The following DDHD1 variants were observed in gnomAD, a reference collection of about 807,000 sequenced individuals.
DDHD1 encodes the protein phospholipase DDHD1.
DDHD1 carries 49 observed loss-of-function variants against 96.4 expected under a neutral mutation model. That is an observed-to-expected ratio of 0.51 (90% CI 0.40 to 0.64). DDHD1 has a LOEUF of 0.64. Among genes scored for constraint, DDHD1 ranks in the 30% least tolerant of loss-of-function variants. The pLI, the probability that DDHD1 is intolerant of heterozygous loss-of-function variation, is 0.00. For synonymous variants in DDHD1, 442 were observed against 446.5 expected (o/e 0.99, Z 0.13); for missense variants, 1,106 against 1,161.2 (o/e 0.95, Z 0.69).
intron 1 of DDHD1, among the ~76,000 whole-genome samples, chr14:53,123,113 CTGTTAT>C (rs948786957): frequency 8.0e-6 from 1 of 125,338 alleles, no homozygotes; most frequent in Non-Finnish European, 1.6e-5. Context: ...CAGATAATTG[CTGTTAT>C]TATTATTATT....
At chr14:53,083,746 A>G (rs1018789208) in intron 4 of DDHD1, among the ~76,000 whole-genome samples, 7 of 152,204 alleles carry the variant, frequency 4.6e-5, no homozygotes, top group African/African-American at 1.7e-4. Context: ...CAAGCAGGGA[A>G]ATGGTAAGAA....
intron 4 of DDHD1, among the ~76,000 whole-genome samples, chr14:53,079,495 T>C (rs1368973802): frequency 6.6e-6 from 1 of 152,214 alleles, no homozygotes; most frequent in Non-Finnish European, 1.5e-5. Context: ...ACAGTTTTGG[T>C]AGTTTGCTTC....
Position 53,055,824 on chromosome 14 carries a change from G to T in DDHD1, c.2081C>A (p.Pro694His). The change falls in exon 10 of 13, where the codon CCT (proline) becomes CAT (histidine). Residue 694 changes from proline (P) to histidine (H), a missense_variant. By Grantham distance (77) the Pro-to-His change is moderately conservative. Transcript: ENST00000673822. ...IHWYNTSNPL[P>H]YEHMKPSFLN... The stretch of plus-strand genomic sequence containing the variant: ...AAAGCTTGGCTTCATATGTTCATAA[G>T]GTAAAGGATTTGAAGTATTGTACCA... 6.2e-7 allele frequency: 1 copy of T among 1,613,902 alleles called. No individual in the cohort carries two copies. The highest frequency in any genetic ancestry group is 8.5e-7 in the Non-Finnish European group (1 of 1,179,936).
intron 1 of DDHD1, among the ~76,000 whole-genome samples, chr14:53,142,431 T>C (rs1890700872): frequency 6.7e-6 from 1 of 149,818 alleles, no homozygotes; most frequent in African/African-American, 2.5e-5. Context: ...TAAGAAGAAT[T>C]GTGGGCCATT....
At chr14:53,142,230 T>C (rs866981479) in intron 1 of DDHD1, among the ~76,000 whole-genome samples, 10 of 152,242 alleles carry the variant, frequency 6.6e-5, no homozygotes, top group Non-Finnish European at 1.5e-4. Context: ...TGTTCCCACA[T>C]GGTTTTTATT....
chr14:53,051,776 T>C, intron 12 of DDHD1, 68 bp downstream of exon 12: 1 of 1,299,442 alleles, frequency 7.7e-7, no homozygotes, highest in Non-Finnish European at 1.1e-6. Flanking sequence ...AATTTTTCAA[T>C]AAGCAGAAGA....
In DDHD1 at chr14:53,138,851, T is replaced by C. The variant is rs150255914; in HGVS notation, c.838+13410A>G. ...CTCCACAGATATTACCAGGAACTCATAAGAAAGACTGAGGGAAGGGCAAGA... is the reference window on the plus strand; with the variant it reads ...CTCCACAGATATTACCAGGAACTCACAAGAAAGACTGAGGGAAGGGCAAGA... On this transcript the variant is annotated intron_variant, in intron 1 of 12. Coordinates refer to ENST00000673822, the MANE Select transcript of DDHD1 (RefSeq NM_001160148.2). Among the ~76,000 whole-genome samples, 721 of 152,130 alleles carry C rather than the reference T, an allele frequency of 4.7e-3. 7 individuals are homozygous for C. Among genetic ancestry groups the C allele is most frequent in the African/African-American group, 0.017 (689 of 41,508 alleles).
Position 53,152,451 on chromosome 14 carries a change from G to A in DDHD1, c.648C>T (p.Cys216=). 6.2e-7 allele frequency: 1 copy of A among 1,613,362 alleles called. No homozygotes were observed. Among genetic ancestry groups the A allele is most frequent in the African/African-American group, 1.3e-5 (1 of 75,062 alleles). The change falls in exon 1 of 13, where the codon TGC becomes TGT. Residue 216 remains cysteine, a synonymous_variant. Coordinates refer to ENST00000673822, the MANE Select transcript of DDHD1 (RefSeq NM_001160148.2). ...AACTGGAGGCTGGGCCCGTGGGGGA[G>A]CACACATGGTCGCCGTCCCGGTCCC... The part of the protein sequence containing the change: ...QGGDRDGDHV[C]SPTGPASSSG...
At chr14:53,148,722 C>T (rs1891162081) in intron 1 of DDHD1, among the ~76,000 whole-genome samples, 1 of 152,244 alleles carries the variant, frequency 6.6e-6, no homozygotes, top group East Asian at 1.9e-4. Flanking sequence ...ATGTTCCTTA[C>T]AGACATTCTT....
intron 9 of DDHD1, among the ~76,000 whole-genome samples, chr14:53,058,259 C>A (rs895473598): frequency 6.6e-6 from 1 of 152,196 alleles, no homozygotes; most frequent in Admixed American, 6.5e-5. Flanking sequence ...GCCTTACAGG[C>A]ACCCACTACC....
intron 1 of DDHD1, among the ~76,000 whole-genome samples, chr14:53,121,921 T>C (rs1039688699): frequency 1.5e-3 from 7 of 4,772 alleles, no homozygotes; most frequent in Non-Finnish European, 3.4e-3. Context: ...TCCCAGAACG[T>C]TAAAAAAAAA....
intron 8 of DDHD1, among the ~76,000 whole-genome samples, chr14:53,059,288 A>C (rs532506844): frequency 2.7e-4 from 41 of 152,196 alleles, no homozygotes; most frequent in Non-Finnish European, 4.1e-4. Context: ...TCTGTCACCC[A>C]GGCTGGAGTG....
intron 2 of DDHD1, among the ~76,000 whole-genome samples, chr14:53,100,936 T>C (rs1248331674): frequency 6.6e-6 from 1 of 152,214 alleles, no homozygotes; most frequent in East Asian, 1.9e-4. Flanking sequence ...CTTACTCTTT[T>C]GTAACTGTTT....
chr14:53,051,503 C>T (rs1240906692), intron 12 of DDHD1, among the ~76,000 whole-genome samples: 1 of 151,886 alleles, frequency 6.6e-6, no homozygotes, highest in African/African-American at 2.4e-5. Flanking sequence ...CCTTTTATAT[C>T]TAAATGTATT....
At chr14:53,105,603 T>A (rs541912548) in intron 1 of DDHD1, among the ~76,000 whole-genome samples, 2 of 152,282 alleles carry the variant, frequency 1.3e-5, no homozygotes, top group South Asian at 4.1e-4. Flanking sequence ...AAATGGAAAC[T>A]CCTGATTTCT....
chr14:53,036,877 C>A lies in DDHD1; in HGVS notation c.*9891G>T, dbSNP rs543326661. 2.6e-5 allele frequency: 4 copies of A among 152,226 alleles called. No individual in the cohort carries two copies. The highest frequency in any genetic ancestry group is 9.6e-5 in the African/African-American group (4 of 41,526). 9.4% of individuals were successfully genotyped at this position (152,226 alleles called of 1,614,324 possible). A position where few individuals can be genotyped will look rare whatever the true frequency, so the allele number is the denominator to read the frequency against. On this transcript the variant is annotated 3_prime_UTR_variant, in exon 13 of 13. Coordinates refer to ENST00000673822, the MANE Select transcript of DDHD1 (RefSeq NM_001160148.2). ...GAGGTTTGAGGTACAGATCCCATCA[C>A]CCAGGTAGTGAGCATAGTACCCAAT...
At chr14:53,120,353 C>A (rs890278719) in intron 1 of DDHD1, among the ~76,000 whole-genome samples, 18 of 152,148 alleles carry the variant, frequency 1.2e-4, no homozygotes, top group African/African-American at 4.3e-4. Context: ...GAATCAATAT[C>A]GTGAAAATAA....
chr14:53,118,216 C>G (rs1490279342), intron 1 of DDHD1, among the ~76,000 whole-genome samples: 1 of 152,164 alleles, frequency 6.6e-6, no homozygotes, highest in Non-Finnish European at 1.5e-5. Flanking sequence ...GAAACCACAG[C>G]AGAAAAGCTG....
intron 10 of DDHD1, 58 bp downstream of exon 10, chr14:53,055,602 A>C: frequency 1.4e-6 from 2 of 1,421,988 alleles, no homozygotes; most frequent in African/African-American, 2.5e-5. Flanking sequence ...TAGTCCCCCA[A>C]ACTTATGTCT....
Sources: gnomAD v4.1 joint callset for allele counts (sites outside exome capture counted in the v4.1 genomes callset) on GRCh38, gnomAD v4.1.1 for gene constraint, MANE v1.5 for transcripts, NCBI Gene and HGNC (gene_info 2026-07-23, HGNC 2026-07-21) for gene names.